PLCE1: variants seen among roughly 807,000 people sequenced by gnomAD.
PLCE1 encodes the protein phospholipase C epsilon 1.
A neutral mutation model predicts 242.8 loss-of-function variants in PLCE1; 119 were observed. That is an observed-to-expected ratio of 0.49 (90% CI 0.42 to 0.57). The LOEUF is 0.57. Ranked by LOEUF, PLCE1 falls within the 20% of genes least tolerant of loss-of-function variation. The pLI is 0.00. For synonymous variants in PLCE1, 945 were observed against 1,017.4 expected (o/e 0.93, Z 1.35); for missense variants, 2,441 against 2,788.8 (o/e 0.88, Z 2.81).
intron 3 of PLCE1, among the ~76,000 whole-genome samples, chr10:94,153,441 A>G (rs939908807): frequency 3.3e-5 from 5 of 152,200 alleles, no homozygotes; most frequent in African/African-American, 1.2e-4. Context: ...AAGTGTATCT[A>G]TGCAAAACCC....
At chr10:94,228,748 T>G (rs1228840950) in intron 5 of PLCE1, among the ~76,000 whole-genome samples, 1 of 151,936 alleles carries the variant, frequency 6.6e-6, no homozygotes, top group Non-Finnish European at 1.5e-5. Context: ...ATCATGTCCT[T>G]GACATTTAAA....
At position 94,234,096 on chromosome 10, in the gene PLCE1, T is replaced by C. The variant is rs1447840445; in HGVS notation, c.1998T>C (p.Ser666=). 6.2e-7 allele frequency: 1 copy of C among 1,613,710 alleles called. No individual in the cohort carries two copies. Among genetic ancestry groups the C allele is most frequent in the African/African-American group, 1.3e-5 (1 of 74,934 alleles). Residue 666 remains serine, a synonymous_variant, in exon 6 of 33, where the codon TCT becomes TCC. Transcript: ENST00000371380. The part of the protein sequence containing the change: ...VLKMWQFMDQ[S]DIETMRSLKD... ...AAATGTGGCAGTTCATGGACCAGTC[T>C]GATATTGAGACCATGAGGAGCCTGA...
rs1022478275 is a variant in PLCE1, at chr10:94,332,527, G to A, written c.*4584G>A. ...TGCCTGTGTGTGTGTGTGTGTGTGT[G>A]TGTGTGTGTGTGTGTGTGTGTTTAA... On this transcript the variant is annotated 3_prime_UTR_variant, in exon 33 of 33. Transcript: ENST00000371380. 2.0e-4 allele frequency: 30 copies of A among 152,024 alleles called. No individual in the cohort carries two copies. The highest frequency in any genetic ancestry group is 7.2e-4 in the African/African-American group (30 of 41,426). 9.4% of individuals were successfully genotyped at this position (152,024 alleles called of 1,614,324 possible). A position where few individuals can be genotyped will look rare whatever the true frequency, so the allele number is the denominator to read the frequency against.
chr10:94,207,075 C>T (rs2049178519), intron 4 of PLCE1, among the ~76,000 whole-genome samples: 1 of 152,202 alleles, frequency 6.6e-6, no homozygotes, highest in Non-Finnish European at 1.5e-5. Flanking sequence ...TACTAGTGAA[C>T]CATTTACAAA....
At chr10:93,997,366 C>T (rs1344500300) in intron 1 of PLCE1, among the ~76,000 whole-genome samples, 1 of 152,110 alleles carries the variant, frequency 6.6e-6, no homozygotes, top group Non-Finnish European at 1.5e-5. Context: ...TGCATTTTTA[C>T]CATTACAAAA....
intron 30 of PLCE1, 110 bp from the exon 31 acceptor site, chr10:94,324,239 C>A: frequency 1.2e-6 from 1 of 829,978 alleles, no homozygotes; most frequent in Non-Finnish European, 2.1e-6. Flanking sequence ...CTGGAAGATC[C>A]CCTTCATCTC....
chr10:94,280,007 G>C (rs755483252), intron 20 of PLCE1, 96 bp downstream of exon 20: 5 of 1,235,382 alleles, frequency 4.0e-6, no homozygotes, highest in Non-Finnish European at 4.8e-6. Context: ...CCAAAGACCA[G>C]TAATACGGAT....
chr10:94,184,549 T>C (rs1187304376), intron 4 of PLCE1, among the ~76,000 whole-genome samples: 7 of 152,146 alleles, frequency 4.6e-5, no homozygotes, highest in Admixed American at 3.3e-4. Context: ...AGGCTGGTTT[T>C]GAACTCCTGT....
intron 2 of PLCE1, among the ~76,000 whole-genome samples, chr10:94,072,995 C>T (rs1489741283): frequency 6.6e-6 from 1 of 152,110 alleles, no homozygotes; most frequent in Non-Finnish European, 1.5e-5. Context: ...AGCTGCAGAG[C>T]CTCTTTTGTC....
At chr10:94,064,270 G>T (rs1460895052) in intron 2 of PLCE1, among the ~76,000 whole-genome samples, 1 of 152,148 alleles carries the variant, frequency 6.6e-6, no homozygotes, top group Non-Finnish European at 1.5e-5. Context: ...CGTGAGCTTT[G>T]TTCAGACGTG....
chr10:94,321,842 G>T, intron 29 of PLCE1, 59 bp from the exon 30 acceptor site: 1 of 1,346,866 alleles, frequency 7.4e-7, no homozygotes, highest in Non-Finnish European at 1.1e-6. Flanking sequence ...TGCTAGATTT[G>T]TCTTTCTTTA....
At chr10:94,263,073 T>A (rs2051367584) in intron 14 of PLCE1, among the ~76,000 whole-genome samples, 1 of 152,074 alleles carries the variant, frequency 6.6e-6, no homozygotes, top group African/African-American at 2.4e-5. Flanking sequence ...GGTTTCACCA[T>A]GTTGGCCAGG....
chr10:94,325,152 A>G, intron 32 of PLCE1, 48 bp downstream of exon 32: 3 of 1,305,430 alleles, frequency 2.3e-6, no homozygotes, highest in Non-Finnish European at 3.3e-6. Context: ...AACTTAAACT[A>G]CTTTGTAAGG....
chr10:94,290,023 T>A (rs2052591829), intron 22 of PLCE1, among the ~76,000 whole-genome samples: 1 of 152,096 alleles, frequency 6.6e-6, no homozygotes, highest in Non-Finnish European at 1.5e-5. Flanking sequence ...TTCTTTCTTA[T>A]CTTATTTTTA....
At chr10:94,047,794 C>T (rs2043638100) in intron 2 of PLCE1, among the ~76,000 whole-genome samples, 2 of 152,160 alleles carry the variant, frequency 1.3e-5, no homozygotes, top group Non-Finnish European at 2.9e-5. Context: ...CCACCCCAAA[C>T]CTCTACATGT....
intron 3 of PLCE1, among the ~76,000 whole-genome samples, chr10:94,144,316 T>C (rs1314021333): frequency 1.3e-5 from 2 of 151,746 alleles, no homozygotes; most frequent in African/African-American, 4.8e-5. Context: ...TGTGTGTCTC[T>C]GTGTGTGTGT....
intron 2 of PLCE1, among the ~76,000 whole-genome samples, chr10:94,091,456 G>A (rs1589995976): frequency 6.6e-6 from 1 of 152,070 alleles, no homozygotes; most frequent in African/African-American, 2.4e-5. Context: ...GAGGCTCTTT[G>A]GGGTGTGAGG....
intron 4 of PLCE1, among the ~76,000 whole-genome samples, chr10:94,223,233 CAAAA>C (rs60764243): frequency 1.4e-4 from 13 of 90,876 alleles, no homozygotes; most frequent in South Asian, 8.5e-4. Flanking sequence ...TCCATCTCTA[CAAAA>C]AAAAAAAAAA....
intron 13 of PLCE1, among the ~76,000 whole-genome samples, chr10:94,259,629 A>C (rs2051225247): frequency 6.6e-6 from 1 of 152,188 alleles, no homozygotes; most frequent in African/African-American, 2.4e-5. Context: ...TTGAGGGAGC[A>C]GGTGCTACTG....
Sources: gnomAD v4.1 joint callset for allele counts (sites outside exome capture counted in the v4.1 genomes callset) on GRCh38, gnomAD v4.1.1 for gene constraint, MANE v1.5 for transcripts, NCBI Gene and HGNC (gene_info 2026-07-23, HGNC 2026-07-21) for gene names.